The following MSI2 variants were observed in gnomAD, a reference collection of about 807,000 sequenced individuals.
MSI2 encodes RNA-binding protein Musashi homolog 2.
Under a neutral mutation model 45.6 loss-of-function variants are expected in MSI2, and 17 were observed. The ratio of observed to expected loss-of-function variants is 0.37; its 90% confidence interval spans 0.26 to 0.56. The LOEUF (loss-of-function observed/expected upper bound fraction) is 0.56, where lower values mean the gene tolerates loss of function less well. Among genes scored for constraint, MSI2 ranks in the 20% least tolerant of loss-of-function variants. The pLI is 0.77. For missense variants in MSI2, 293 were observed against 444.2 expected, an observed-to-expected ratio of 0.66 and a Z score of 3.06; for synonymous variants, 156 against 158.2, an observed-to-expected ratio of 0.99 and a Z score of 0.11.
intron 6 of MSI2, among the ~76,000 whole-genome samples, chr17:57,415,912 G>A (rs1478555981): frequency 1.3e-5 from 2 of 152,148 alleles, no homozygotes; most frequent in Non-Finnish European, 2.9e-5. Flanking sequence ...TGTTGGGGGA[G>A]GCTAAGTGGA....
At position 57,675,059 on chromosome 17, in the gene MSI2, CCGGA is replaced by C; in HGVS notation, c.879_882del (p.Gly294TrpfsTer5). ...CTCTACGGCCCTGCCAGCCAGGACT[CCGGA>C]GTGGGGAATTACATAAGTGCGGCCA... On this transcript the variant is annotated frameshift_variant, in exon 12 of 14. Coordinates refer to ENST00000284073, the MANE Select transcript of MSI2 (RefSeq NM_138962.4). LOFTEE classifies it high-confidence loss of function. 6.2e-7 allele frequency: 1 copy of C among 1,614,102 alleles called. No individual in the cohort carries two copies. The highest frequency in any genetic ancestry group is 8.5e-7 in the Non-Finnish European group (1 of 1,180,020).
intron 5 of MSI2, chr17:57,264,654 C>A (rs1907615217): frequency 6.6e-6 from 1 of 152,210 alleles, no homozygotes. Flanking sequence ...TCTCATGCAG[C>A]CCTATGAGGA....
intron 5 of MSI2, among the ~76,000 whole-genome samples, chr17:57,371,140 A>G (rs969933570): frequency 2.6e-5 from 4 of 152,206 alleles, no homozygotes; most frequent in Non-Finnish European, 5.9e-5. Flanking sequence ...AAATAGATAC[A>G]TCTCAAATGC....
At chr17:57,641,478 C>T (rs1567954806) in intron 10 of MSI2, among the ~76,000 whole-genome samples, 1 of 151,990 alleles carries the variant, frequency 6.6e-6, no homozygotes, top group Non-Finnish European at 1.5e-5. Context: ...AGCAAGAGAC[C>T]CTGTTGGAAG....
chr17:57,543,956 G>C (rs2087108708), intron 7 of MSI2, among the ~76,000 whole-genome samples: 2 of 152,200 alleles, frequency 1.3e-5, no homozygotes, highest in African/African-American at 4.8e-5. Flanking sequence ...TTTGCAGGTA[G>C]GCCCCAGAGA....
intron 5 of MSI2, 117 bp downstream of exon 5, chr17:57,262,309 G>A: frequency 8.7e-7 from 1 of 1,143,070 alleles, no homozygotes; most frequent in Admixed American, 1.8e-5. Flanking sequence ...GTTCCTTCGG[G>A]GTATCAGGAC....
At chr17:57,603,995 A>G (rs937739946) in intron 8 of MSI2, among the ~76,000 whole-genome samples, 2 of 152,250 alleles carry the variant, frequency 1.3e-5, no homozygotes, top group Non-Finnish European at 2.9e-5. Flanking sequence ...TGTGGAAAGT[A>G]TCAGTGCCTT....
rs1913679043 is a variant in MSI2, at chr17:57,682,561, T to C, written c.*3044T>C. ...CCAGTAGCCCATAGCACAAATCTTG[T>C]GGAAATCCGATATGTTTTAATGTGG... On this transcript the variant is annotated 3_prime_UTR_variant, in exon 14 of 14. Transcript: ENST00000284073. 9.5e-6 allele frequency: 2 copies of C among 211,100 alleles called. No individual in the cohort carries two copies. The highest frequency in any genetic ancestry group is 5.9e-5 in the Admixed American group (1 of 16,966). 13.1% of individuals were successfully genotyped at this position (211,100 alleles called of 1,614,324 possible).
intron 7 of MSI2, among the ~76,000 whole-genome samples, chr17:57,539,184 A>ATTT (rs11432676): frequency 6.3e-5 from 9 of 143,484 alleles, no homozygotes; most frequent in East Asian, 2.0e-4. Flanking sequence ...TACTTTTTGA[A>ATTT]TTTTTTTTTT....
chr17:57,293,649 C>T (rs1421828897), intron 5 of MSI2, among the ~76,000 whole-genome samples: 39 of 135,526 alleles, frequency 2.9e-4, no homozygotes, highest in African/African-American at 9.4e-4. Flanking sequence ...GCTCTTGTTG[C>T]CCAGGCTGGA....
At chr17:57,647,400 G>A (rs1428809419) in intron 10 of MSI2, among the ~76,000 whole-genome samples, 1 of 148,016 alleles carries the variant, frequency 6.8e-6, no homozygotes, top group Non-Finnish European at 1.5e-5. Context: ...GGCAAGCCAC[G>A]ATTGCACCAC....
At chr17:57,492,629 G>T in intron 6 of MSI2, among the ~76,000 whole-genome samples, 1 of 150,944 alleles carries the variant, frequency 6.6e-6, no homozygotes. Context: ...TTTTTTTTGA[G>T]ACAGAGTTTT....
rs1007049437 is a variant in MSI2, at chr17:57,597,076, C to T, written c.537+126C>T. 39 of 665,268 alleles carry T rather than the reference C, an allele frequency of 5.9e-5. No individual in the cohort carries two copies. In the African/African-American group the frequency reaches 6.3e-4, roughly 11 times the overall value. 41.2% of individuals were successfully genotyped at this position (665,268 alleles called of 1,614,324 possible). On this transcript the variant is annotated intron_variant, in intron 8 of 13. Transcript: ENST00000284073. ...AGGGGTGGGGAGGGGGCTAGATGCTCGGGGTCCAGGCCTGTGAACAGTAGC... is the reference window on the plus strand; with the variant it reads ...AGGGGTGGGGAGGGGGCTAGATGCTTGGGGTCCAGGCCTGTGAACAGTAGC...
At chr17:57,323,672 G>A (rs1913537350) in intron 5 of MSI2, among the ~76,000 whole-genome samples, 1 of 152,268 alleles carries the variant, frequency 6.6e-6, no homozygotes, top group Admixed American at 6.5e-5. Context: ...GCCTCACCAG[G>A]GGAGACTTGT....
intron 7 of MSI2, among the ~76,000 whole-genome samples, chr17:57,578,742 C>T (rs900449433): frequency 5.9e-5 from 9 of 152,162 alleles, no homozygotes; most frequent in South Asian, 2.1e-4. Flanking sequence ...TGCTACTTGG[C>T]GCAAAACCAA....
At chr17:57,369,295 TCTATCAAC>T (rs2083386902) in intron 5 of MSI2, among the ~76,000 whole-genome samples, 1 of 152,290 alleles carries the variant, frequency 6.6e-6, no homozygotes, top group East Asian at 1.9e-4. Flanking sequence ...CTTTACACCA[TCTATCAAC>T]CTACAGTGGG....
chr17:57,682,897 G>C lies in MSI2; in HGVS notation c.*3380G>C. ...GGCATTAGCTCCCGGACCCATTCCC[G>C]GTCCTAGCTGGGCATGGGGCTGACG... On this transcript the variant is annotated 3_prime_UTR_variant, in exon 14 of 14. Coordinates refer to ENST00000284073, the MANE Select transcript of MSI2 (RefSeq NM_138962.4). 4.4e-6 allele frequency: 1 copy of C among 226,114 alleles called. No homozygotes were observed. Among genetic ancestry groups the C allele is most frequent in the Non-Finnish European group, 8.8e-6 (1 of 113,680 alleles). 14.0% of individuals were successfully genotyped at this position (226,114 alleles called of 1,614,324 possible).
At chr17:57,298,765 C>T (rs899696105) in intron 5 of MSI2, among the ~76,000 whole-genome samples, 6 of 152,160 alleles carry the variant, frequency 3.9e-5, no homozygotes, top group East Asian at 1.9e-4. Context: ...AATTTCAGAG[C>T]GGTAAATGAG....
intron 6 of MSI2, among the ~76,000 whole-genome samples, chr17:57,471,066 G>A (rs2085425914): frequency 6.6e-6 from 1 of 152,172 alleles, no homozygotes; most frequent in African/African-American, 2.4e-5. Context: ...TTAGAGCAGA[G>A]GTTGGGGACC....
Sources: gnomAD v4.1 joint callset for allele counts (sites outside exome capture counted in the v4.1 genomes callset) on GRCh38, gnomAD v4.1.1 for gene constraint, MANE v1.5 for transcripts, NCBI Gene and HGNC (gene_info 2026-07-23, HGNC 2026-07-21) for gene names.